The following TXNL1 variants were observed in gnomAD, a reference collection of about 807,000 sequenced individuals.
TXNL1 encodes the protein thioredoxin like 1.
TXNL1 carries 14 observed loss-of-function variants against 35.5 expected under a neutral mutation model. That is an observed-to-expected ratio of 0.39 (90% confidence interval 0.26 to 0.62). The LOEUF (loss-of-function observed/expected upper bound fraction) is 0.62. TXNL1 is among the 20% of genes least tolerant of loss of function. The pLI is 0.47. For missense variants in TXNL1, 263 were observed against 349.7 expected (o/e 0.75, Z 1.98); for synonymous variants, 110 against 115.5 (o/e 0.95, Z 0.31).
chr18:56,636,780 T>C (rs2024462034), intron 1 of TXNL1, among the ~76,000 whole-genome samples: 2 of 152,142 alleles, frequency 1.3e-5, no homozygotes, highest in Admixed American at 1.3e-4. Flanking sequence ...AAAAACAATA[T>C]ATCATTGAGG....
intron 6 of TXNL1, among the ~76,000 whole-genome samples, chr18:56,612,327 A>C (rs550341075): frequency 1.3e-5 from 2 of 152,148 alleles, no homozygotes; most frequent in Admixed American, 6.5e-5. Context: ...ATTTCCTAGA[A>C]TATTAAAAGA....
intron 7 of TXNL1, chr18:56,608,872 AG>A (rs1414151721): frequency 6.6e-6 from 1 of 151,622 alleles, no homozygotes; most frequent in African/African-American, 2.4e-5. Context: ...ACTTGAGCCC[AG>A]GAGTTTGAGG....
chr18:56,616,699 AT>A (rs2024092900), intron 4 of TXNL1, among the ~76,000 whole-genome samples: 1 of 152,214 alleles, frequency 6.6e-6, no homozygotes, highest in Non-Finnish European at 1.5e-5. Flanking sequence ...TCAAGTATCT[AT>A]CCACATCACT....
At chr18:56,635,389 C>T (rs1365733122) in intron 1 of TXNL1, among the ~76,000 whole-genome samples, 2 of 152,096 alleles carry the variant, frequency 1.3e-5, no homozygotes, top group Non-Finnish European at 2.9e-5. Flanking sequence ...AACAGGTATA[C>T]AAAATTTGCC....
intron 3 of TXNL1, among the ~76,000 whole-genome samples, chr18:56,623,865 G>A (rs1331305961): frequency 6.6e-6 from 1 of 150,720 alleles, no homozygotes; most frequent in Non-Finnish European, 1.5e-5. Context: ...AAAACTATAG[G>A]AAGTGAGTGA....
intron 5 of TXNL1, 152 bp from the exon 6 acceptor site, chr18:56,614,748 G>C (rs965163313): frequency 2.9e-6 from 2 of 691,644 alleles, no homozygotes; most frequent in African/African-American, 1.8e-5. Flanking sequence ...AAAAGTCTGA[G>C]TATTCAGGTA....
At chr18:56,611,152 T>TTGA in intron 6 of TXNL1, 55 bp from the exon 7 acceptor site, 1 of 1,161,010 alleles carries the variant, frequency 8.6e-7, no homozygotes, top group South Asian at 1.4e-5. Flanking sequence ...AAACATGCTT[T>TTGA]AAGTTTAATC....
intron 7 of TXNL1, among the ~76,000 whole-genome samples, chr18:56,604,210 G>A (rs2023853461): frequency 6.6e-6 from 1 of 152,044 alleles, no homozygotes; most frequent in Non-Finnish European, 1.5e-5. Flanking sequence ...AAAAGAATGT[G>A]GATAAGAGTA....
chr18:56,618,231 C>A, intron 3 of TXNL1, 105 bp from the exon 4 acceptor site: 1 of 1,218,878 alleles, frequency 8.2e-7, no homozygotes. Context: ...AAAGAAAACA[C>A]TTTTAAAACA....
At chr18:56,607,047 T>C (rs1388912861) in intron 7 of TXNL1, among the ~76,000 whole-genome samples, 3 of 152,172 alleles carry the variant, frequency 2.0e-5, no homozygotes, top group Non-Finnish European at 2.9e-5. Flanking sequence ...TGGAGTGTAG[T>C]GGCGTGATCC....
chr18:56,627,836 T>C (rs2024309942), intron 1 of TXNL1, among the ~76,000 whole-genome samples: 1 of 147,902 alleles, frequency 6.8e-6, no homozygotes, highest in South Asian at 2.1e-4. Flanking sequence ...AATGATTTCT[T>C]ATACAAAACA....
chr18:56,634,486 C>T (rs996976403), intron 1 of TXNL1, among the ~76,000 whole-genome samples: 2 of 152,150 alleles, frequency 1.3e-5, no homozygotes, highest in Non-Finnish European at 2.9e-5. Context: ...CTTACACAGA[C>T]TAAGGAATAT....
intron 7 of TXNL1, chr18:56,604,303 G>C (rs1052961852): frequency 2.6e-5 from 4 of 152,196 alleles, no homozygotes; most frequent in Admixed American, 1.3e-4. Flanking sequence ...TAAACACTGA[G>C]AGCATTATTG....
intron 1 of TXNL1, among the ~76,000 whole-genome samples, 156 bp from the exon 2 acceptor site, chr18:56,626,613 A>G (rs549002984): frequency 4.6e-5 from 7 of 151,750 alleles, no homozygotes; most frequent in Admixed American, 3.9e-4. Flanking sequence ...ACAGAGTCTC[A>G]CTCTGTCGGC....
chr18:56,619,832 T>A (rs552404957), intron 3 of TXNL1, among the ~76,000 whole-genome samples: 75 of 152,196 alleles, frequency 4.9e-4, no homozygotes, highest in Non-Finnish European at 9.8e-4. Flanking sequence ...AAAGGGGTAT[T>A]TAAATTTTGT....
chr18:56,638,591 G>A lies in TXNL1; in HGVS notation c.-151C>T, dbSNP rs1206522095. On this transcript the variant is annotated 5_prime_UTR_variant, in exon 1 of 8. Transcript: ENST00000217515. ...GCCGAGTCTTCTCCCGGGACTCTCA[G>A]TGCCGAGTCACGCCAGGGAGCGGAG... The A allele has an allele frequency of 1.1e-5, 8 of 709,808 alleles. No homozygotes were observed. Among genetic ancestry groups the A allele is most frequent in the Non-Finnish European group, 1.7e-5 (8 of 459,474 alleles). 44.0% of individuals were successfully genotyped at this position (709,808 alleles called of 1,614,324 possible). A position where few individuals can be genotyped will look rare whatever the true frequency, so the allele number is the denominator to read the frequency against.
intron 3 of TXNL1, among the ~76,000 whole-genome samples, chr18:56,618,635 C>T (rs554202453): frequency 2.0e-5 from 3 of 151,842 alleles, no homozygotes; most frequent in Non-Finnish European, 2.9e-5. Flanking sequence ...CTGAAGGCCA[C>T]TCTTGCCTCA....
intron 1 of TXNL1, among the ~76,000 whole-genome samples, chr18:56,629,509 T>C (rs1035147810): frequency 6.6e-5 from 10 of 152,076 alleles, no homozygotes; most frequent in Non-Finnish European, 1.2e-4. Flanking sequence ...GCCTGATACT[T>C]TGCAGTGTTT....
intron 3 of TXNL1, 74 bp downstream of exon 3, chr18:56,624,208 CATAGTT>C: frequency 7.2e-7 from 1 of 1,385,288 alleles, no homozygotes; most frequent in African/African-American, 1.4e-5. Flanking sequence ...AAGATGGAAA[CATAGTT>C]ATATTTCATT....
Sources: gnomAD v4.1 joint callset for allele counts (sites outside exome capture counted in the v4.1 genomes callset) on GRCh38, gnomAD v4.1.1 for gene constraint, MANE v1.5 for transcripts, NCBI Gene and HGNC (gene_info 2026-07-23, HGNC 2026-07-21) for gene names.